GRID2: variants seen among roughly 807,000 people sequenced by gnomAD.
The protein encoded by GRID2 is glutamate ionotropic receptor delta type subunit 2.
GRID2 carries 33 observed loss-of-function variants against 114.8 expected under a neutral mutation model. The observed-to-expected ratio is 0.29, with a 90% CI of 0.22 to 0.38. The LOEUF (loss-of-function observed/expected upper bound fraction) is 0.38, where lower values mean the gene tolerates loss of function less well. Ranked by LOEUF, GRID2 falls within the 10% of genes least tolerant of loss-of-function variation. GRID2 has a pLI of 1.00. For synonymous variants in GRID2, 505 were observed against 449.9 expected (o/e 1.12, Z -1.55); for missense variants, 1,184 against 1,257.7 (o/e 0.94, Z 0.89).
chr4:93,036,028 A>T (rs749452538), intron 2 of GRID2, among the ~76,000 whole-genome samples: 1 of 152,112 alleles, frequency 6.6e-6, no homozygotes, highest in Non-Finnish European at 1.5e-5. Flanking sequence ...TTCTTTGCCT[A>T]GTTTTGATCC....
intron 1 of GRID2, among the ~76,000 whole-genome samples, chr4:92,306,364 A>G (rs1177595672): frequency 6.6e-6 from 1 of 152,258 alleles, no homozygotes; most frequent in East Asian, 1.9e-4. Flanking sequence ...CTACAGATTC[A>G]GAACTTTTCA....
At chr4:92,817,976 A>T (rs1741017475) in intron 2 of GRID2, among the ~76,000 whole-genome samples, 1 of 152,130 alleles carries the variant, frequency 6.6e-6, no homozygotes, top group Non-Finnish European at 1.5e-5. Flanking sequence ...GCCGCTAAAA[A>T]CTATGTTATC....
chr4:93,138,854 T>C (rs1344733650), intron 4 of GRID2, among the ~76,000 whole-genome samples: 1 of 152,234 alleles, frequency 6.6e-6, no homozygotes, highest in Non-Finnish European at 1.5e-5. Flanking sequence ...GCAAGTAAGA[T>C]TAGATCACTC....
At chr4:93,178,794 A>G (rs1333474915) in intron 4 of GRID2, among the ~76,000 whole-genome samples, 5 of 134,948 alleles carry the variant, frequency 3.7e-5, no homozygotes, top group African/African-American at 2.9e-5. Context: ...AAAAATCTTT[A>G]TGTTCTTAAC....
chr4:93,118,814 C>A (rs536930847), intron 4 of GRID2, among the ~76,000 whole-genome samples: 1 of 152,236 alleles, frequency 6.6e-6, no homozygotes, highest in East Asian at 1.9e-4. Flanking sequence ...CAGCAAGTGC[C>A]TTAAACAGAG....
intron 1 of GRID2, among the ~76,000 whole-genome samples, chr4:92,518,699 TTAAAAA>T (rs879337798): frequency 1.3e-5 from 2 of 151,830 alleles, no homozygotes; most frequent in Non-Finnish European, 2.9e-5. Context: ...TTTACCACAG[TTAAAAA>T]TAAAGTAAAA....
At chr4:92,734,986 C>T (rs1204304563) in intron 2 of GRID2, among the ~76,000 whole-genome samples, 1 of 151,604 alleles carries the variant, frequency 6.6e-6, no homozygotes, top group African/African-American at 2.4e-5. Flanking sequence ...GCCATGTTGC[C>T]CAGGCTGGTC....
At chr4:92,337,291 T>A (rs1300206588) in intron 1 of GRID2, among the ~76,000 whole-genome samples, 1 of 152,182 alleles carries the variant, frequency 6.6e-6, no homozygotes, top group Non-Finnish European at 1.5e-5. Context: ...GTTATTGGAC[T>A]TTTAAATTAT....
chr4:92,687,305 T>A (rs1398516197), intron 2 of GRID2, among the ~76,000 whole-genome samples: 2 of 152,046 alleles, frequency 1.3e-5, no homozygotes, highest in Admixed American at 6.6e-5. Flanking sequence ...CTATAATTCT[T>A]ACCAGAAATA....
intron 1 of GRID2, among the ~76,000 whole-genome samples, chr4:93,801,373 ACT>A (rs929954940): frequency 6.6e-6 from 1 of 152,070 alleles, no homozygotes; most frequent in African/African-American, 2.4e-5. Flanking sequence ...AACAAACTGC[ACT>A]GTTTTTTCTT....
At chr4:93,440,248 C>T (rs1048051185) in intron 10 of GRID2, among the ~76,000 whole-genome samples, 3 of 151,954 alleles carry the variant, frequency 2.0e-5, no homozygotes, top group Non-Finnish European at 4.4e-5. Flanking sequence ...CTTTGCCCAC[C>T]GAAGAAGAAC....
At chr4:93,534,755 G>A (rs986275426) in intron 13 of GRID2, among the ~76,000 whole-genome samples, 5 of 151,558 alleles carry the variant, frequency 3.3e-5, no homozygotes, top group African/African-American at 1.2e-4. Context: ...CAATTCTTAA[G>A]TTTTAGAGTT....
chr4:93,766,427 C>A (rs112660279), intron 14 of GRID2, among the ~76,000 whole-genome samples: 133 of 152,206 alleles, frequency 8.7e-4, no homozygotes, highest in African/African-American at 3.1e-3. Flanking sequence ...ATCACAAGAA[C>A]GGCATGAGGG....
intron 8 of GRID2, among the ~76,000 whole-genome samples, chr4:93,296,787 A>G (rs1754355920): frequency 6.6e-6 from 1 of 152,170 alleles, no homozygotes; most frequent in Non-Finnish European, 1.5e-5. Flanking sequence ...CTTTTTGACA[A>G]TTTTGTTATT....
At chr4:92,620,723 A>C (rs1207137415) in intron 2 of GRID2, among the ~76,000 whole-genome samples, 1 of 151,534 alleles carries the variant, frequency 6.6e-6, no homozygotes, top group African/African-American at 2.4e-5. Context: ...AACTGTACCA[A>C]AATAAAATAG....
rs1391529712 is a variant in GRID2 at position 93,772,580 on chromosome 4, A to G, written c.*82A>G. ...CTGTAATATTGTGGGACTAACATGG[A>G]TGTAACGTTTAAAAAAAAGATCAGG... is the stretch of plus-strand genomic sequence containing the variant. On this transcript the variant is annotated 3_prime_UTR_variant, in exon 16 of 16. Transcript: ENST00000282020. 1.0e-6 allele frequency: 1 copy of G among 966,520 alleles called. No individual in the cohort carries two copies. Among genetic ancestry groups the G allele is most frequent in the East Asian group, 2.4e-5 (1 of 40,866 alleles). The allele number at this position is 966,520 out of a possible 1,614,324, so 59.9% of individuals were successfully genotyped here. A position where few individuals can be genotyped will look rare whatever the true frequency, so the allele number is the denominator to read the frequency against.
intron 1 of GRID2, among the ~76,000 whole-genome samples, chr4:92,395,440 C>T (rs896708323): frequency 1.3e-5 from 2 of 151,668 alleles, no homozygotes; most frequent in Non-Finnish European, 3.0e-5. Context: ...CGAAACCCTT[C>T]ATTACTTAAT....
chr4:93,544,659 C>T (rs1733016254), intron 13 of GRID2, among the ~76,000 whole-genome samples: 1 of 151,792 alleles, frequency 6.6e-6, no homozygotes, highest in Non-Finnish European at 1.5e-5. Context: ...TACCTGTAAT[C>T]CCAGTCACTC....
intron 13 of GRID2, among the ~76,000 whole-genome samples, chr4:93,551,791 C>G (rs1351576201): frequency 6.6e-6 from 1 of 152,212 alleles, no homozygotes; most frequent in Non-Finnish European, 1.5e-5. Context: ...AAACTTTACT[C>G]ATATTAAAAT....
Sources: allele counts gnomAD v4.1 joint callset (sites outside exome capture counted in the v4.1 genomes callset), GRCh38; gene constraint gnomAD v4.1.1; transcripts MANE v1.5; gene names NCBI Gene and HGNC (gene_info 2026-07-23, HGNC 2026-07-21).